The following FAT1 variants were observed in gnomAD, a reference collection of about 807,000 sequenced individuals.
FAT1 encodes FAT atypical cadherin 1, also known as protocadherin Fat 1.
FAT1 carries 171 observed loss-of-function variants against 329.8 expected under a neutral mutation model. That is an observed-to-expected ratio of 0.52 (90% CI 0.46 to 0.59). The LOEUF is 0.59. Ranked by LOEUF, FAT1 falls within the 20% of genes least tolerant of loss-of-function variation. The probability of loss-of-function intolerance (pLI) is 0.00; values close to 1 mark genes in which losing one functional copy is unlikely to be tolerated. For synonymous variants in FAT1, 2,233 were observed against 2,228.6 expected (o/e 1.00, Z -0.06); for missense variants, 5,672 against 5,774.4 (o/e 0.98, Z 0.57).
At chr4:186,674,983 G>A (rs1211213794) in intron 2 of FAT1, among the ~76,000 whole-genome samples, 1 of 152,150 alleles carries the variant, frequency 6.6e-6, no homozygotes, top group Non-Finnish European at 1.5e-5. Flanking sequence ...GCAGTGAGCC[G>A]AGATCATGCT....
rs552669995 is a variant in FAT1 at position 186,655,047 on chromosome 4, T to C, written c.3580+8252A>G. The stretch of plus-strand genomic sequence containing the variant: ...CACTATTTATCAAATGAGGTTTTTA[T>C]GGTATATACATATTGAATTGTGTAC... On this transcript the variant is annotated intron_variant, in intron 3 of 26. Transcript: ENST00000441802. Among the ~76,000 whole-genome samples the C allele has an allele frequency of 2.6e-5, 4 of 152,328 alleles. No individual in the cohort carries two copies. In the East Asian group the frequency reaches 7.7e-4, roughly 29 times the overall value.
chr4:186,697,901 C>T (rs925644454), intron 2 of FAT1, among the ~76,000 whole-genome samples: 11 of 152,234 alleles, frequency 7.2e-5, no homozygotes, highest in African/African-American at 1.7e-4. Flanking sequence ...AACACAGGTT[C>T]GGCACTTCAC....
intron 1 of FAT1, among the ~76,000 whole-genome samples, chr4:186,717,697 T>G (rs1221902632): frequency 6.6e-6 from 1 of 152,188 alleles, no homozygotes; most frequent in African/African-American, 2.4e-5. Flanking sequence ...CTATAAAACA[T>G]GTCTGTTGGC....
Position 186,682,526 on chromosome 4 carries a change from C to CAAAAAAAAAAAAAAAA in FAT1, c.3266-18929_3266-18914dup, listed in dbSNP as rs10561120. Reference sequence around the variant, plus strand: ...TGAGTGAAAGAGCGAGACTCTGTCTCAAAAAAAAAAAAAAAAAAGAAAGTT... The same window carrying CAAAAAAAAAAAAAAAA: ...TGAGTGAAAGAGCGAGACTCTGTCTCAAAAAAAAAAAAAAAAAAAAAAAAAAAAAAAAAAGAAAGTT... On this transcript the variant is annotated intron_variant, in intron 2 of 26. Transcript: ENST00000441802. Among the ~76,000 whole-genome samples the CAAAAAAAAAAAAAAAA allele has an allele frequency of 6.4e-3, 761 of 119,272 alleles. 48 individuals are homozygous for CAAAAAAAAAAAAAAAA. Among genetic ancestry groups the CAAAAAAAAAAAAAAAA allele is most frequent in the African/African-American group, 0.018 (461 of 25,236 alleles). The allele number at this position is 119,272 out of a possible 152,430, so 78.2% of individuals were successfully genotyped here. A position where few individuals can be genotyped will look rare whatever the true frequency, so the allele number is the denominator to read the frequency against.
At chr4:186,628,433 A>C in intron 8 of FAT1, 55 bp downstream of exon 8, 3 of 1,610,988 alleles carry the variant, frequency 1.9e-6, no homozygotes, top group Non-Finnish European at 2.5e-6. Flanking sequence ...ATCACGCTCG[A>C]ACACACAAAG....
intron 2 of FAT1, among the ~76,000 whole-genome samples, chr4:186,689,349 A>G (rs1459914174): frequency 1.3e-5 from 2 of 152,256 alleles, no homozygotes; most frequent in Admixed American, 6.5e-5. Flanking sequence ...ATCCTCAAAA[A>G]GACACATGAT....
chr4:186,651,632 C>T (rs548893877), intron 3 of FAT1, among the ~76,000 whole-genome samples: 1 of 152,322 alleles, frequency 6.6e-6, no homozygotes, highest in South Asian at 2.1e-4. Flanking sequence ...AGAGCCAACA[C>T]TGAACATGCA....
In FAT1 at chr4:186,709,449, T is replaced by C. The variant is rs1420637054; in HGVS notation, c.379A>G (p.Thr127Ala). 5 of 1,613,896 alleles carry C rather than the reference T, an allele frequency of 3.1e-6. No homozygotes were observed. The highest frequency in any genetic ancestry group is 4.2e-6 in the Non-Finnish European group (5 of 1,179,902). ...ACCTTTGTTCGCGCCTCCACATTAG[T>C]ATTTTTTTCAAGTGCTTTCACTATC... ...TLIVKALEKNTNVEARTKVRV... is the reference protein window; with the variant it reads ...TLIVKALEKNANVEARTKVRV... Residue 127 changes from threonine to alanine, a missense_variant, in exon 2 of 27, where the codon ACT becomes GCT. Coordinates refer to ENST00000441802, the MANE Select transcript of FAT1 (RefSeq NM_005245.4).
intron 9 of FAT1, among the ~76,000 whole-genome samples, chr4:186,627,349 A>G (rs1443315914): frequency 6.6e-6 from 1 of 152,166 alleles, no homozygotes; most frequent in Admixed American, 6.5e-5. Context: ...CCTGACACAT[A>G]AAACGAGCTT....
chr4:186,661,068 A>G lies in FAT1; in HGVS notation c.3580+2231T>C, dbSNP rs1320959537. 1.2e-4 allele frequency among the ~76,000 whole-genome samples: 19 copies of G among 152,208 alleles called. 1 individual carries two copies. The highest frequency in any genetic ancestry group is 1.2e-3 in the Admixed American group (19 of 15,284). ...AGTCTAATTCATCAAACAAATTACTATAGGGGTAGTTCTGGTCTTGAATTG... is the reference window on the plus strand; with the variant it reads ...AGTCTAATTCATCAAACAAATTACTGTAGGGGTAGTTCTGGTCTTGAATTG... On this transcript the variant is annotated intron_variant, in intron 3 of 26. Coordinates refer to ENST00000441802, the MANE Select transcript of FAT1 (RefSeq NM_005245.4).
chr4:186,617,108 T>C lies in FAT1; in HGVS notation c.8972A>G (p.Asn2991Ser). Residue 2991 changes from asparagine (N) to serine (S), a missense_variant, in exon 11 of 27, where the codon AAT (asparagine) becomes AGT (serine). Transcript: ENST00000441802. ...AGTTGCCGTGATAGTAAGAAGGTAA[T>C]TGTCCCTTTTTTCCCTGTCTAGAGG... Reference protein sequence around the residue: ...KKPLDREKRDNYLLTITATDG... With the variant: ...KKPLDREKRDSYLLTITATDG... 9.9e-6 allele frequency: 16 copies of C among 1,613,968 alleles called. No homozygotes were observed. Among genetic ancestry groups the C allele is most frequent in the Non-Finnish European group, 1.2e-5 (14 of 1,179,852 alleles).
chr4:186,612,111 C>T (rs10434257), intron 13 of FAT1, among the ~76,000 whole-genome samples: 40,108 of 149,052 alleles, frequency 0.27, 6,168 homozygotes, highest in Admixed American at 0.34. Context: ...ACCCGGCCAA[C>T]GCTTTTTTTT....
In FAT1 at chr4:186,628,150, G is replaced by GTT. The variant is rs770326016; in HGVS notation, c.4810+3_4810+4insAA. Reference sequence around the variant, plus strand: ...TAAAATGCCACTGAAGGCTCCAAAAGTACCTGACTCGATCGAGTACAGCAC... The same window carrying GTT: ...TAAAATGCCACTGAAGGCTCCAAAAGTTTACCTGACTCGATCGAGTACAGCAC... On this transcript the variant is annotated splice_donor_region_variant and intron_variant, in intron 9 of 26. Transcript: ENST00000441802. The GTT allele has an allele frequency of 3.7e-6, 6 of 1,613,166 alleles. No individual in the cohort carries two copies. Among genetic ancestry groups the GTT allele is most frequent in the Non-Finnish European group, 8.5e-7 (1 of 1,179,574 alleles).
chr4:186,719,238 C>CA (rs1375322232), intron 1 of FAT1, among the ~76,000 whole-genome samples: 1 of 152,214 alleles, frequency 6.6e-6, no homozygotes, highest in Admixed American at 6.5e-5. Flanking sequence ...TAACCTCTCT[C>CA]AAACACCTCG....
chr4:186,719,984 G>A (rs28619448), intron 1 of FAT1, among the ~76,000 whole-genome samples: 1 of 151,966 alleles, frequency 6.6e-6, no homozygotes, highest in Non-Finnish European at 1.5e-5. Flanking sequence ...CTAAGTATAT[G>A]ATTCTTAACC....
In FAT1 at chr4:186,600,024, G is replaced by T. The variant is rs2126410775; in HGVS notation, c.11977C>A (p.Pro3993Thr). 6.2e-7 allele frequency: 1 copy of T among 1,613,990 alleles called. No individual in the cohort carries two copies. The highest frequency in any genetic ancestry group is 8.5e-7 in the Non-Finnish European group (1 of 1,179,878). ...NGQELPLNSK[P>T]RSYAHIEESV... ...TCTTCGATGTGTGCATAGCTTCTGG[G>T]TTTGCTGTTTAAAGGGAGCTCCTGC... Residue 3993 changes from proline to threonine, a missense_variant, in exon 22 of 27, where the codon CCC (proline) becomes ACC (threonine). Around this residue, in one of 2 missense-constraint regions of FAT1, gnomAD observed 1,706 missense variants for 1,859.1 expected, o/e 0.92. Transcript: ENST00000441802.
rs775490526 is a variant in FAT1, at chr4:186,589,099, G to A, written c.13260C>T (p.Ile4420=). 7.4e-6 allele frequency: 12 copies of A among 1,613,790 alleles called. No individual in the cohort carries two copies. The highest frequency in any genetic ancestry group is 1.1e-5 in the South Asian group (1 of 91,074). Residue 4420 remains isoleucine (I), a synonymous_variant, in exon 27 of 27, where the codon ATC becomes ATT. Transcript: ENST00000441802. ...AGCCTCCAGGGTAATAGTCCGTATCGATGGCGTTTGGATCTGCTGAGTACA... is the reference window on the plus strand; with the variant it reads ...AGCCTCCAGGGTAATAGTCCGTATCAATGGCGTTTGGATCTGCTGAGTACA... ...TPLYSADPNA[I]DTDYYPGGYD...
intron 3 of FAT1, among the ~76,000 whole-genome samples, chr4:186,656,470 A>G (rs1053760375): frequency 6.6e-6 from 1 of 152,218 alleles, no homozygotes; most frequent in Non-Finnish European, 1.5e-5. Context: ...TTCCTGTACT[A>G]TTTGCACGTT....
At chr4:186,652,488 A>C (rs569363743) in intron 3 of FAT1, among the ~76,000 whole-genome samples, 1 of 152,356 alleles carries the variant, frequency 6.6e-6, no homozygotes, top group East Asian at 1.9e-4. Flanking sequence ...GTACTGAATA[A>C]CATTTGACTT....
Sources: allele counts gnomAD v4.1 joint callset (sites outside exome capture counted in the v4.1 genomes callset), GRCh38; gene constraint gnomAD v4.1.1; regional missense constraint gnomAD v4.1.1; transcripts MANE v1.5; gene names NCBI Gene and HGNC (gene_info 2026-07-23, HGNC 2026-07-21).